The following CCDC171 variants were observed in gnomAD, a reference collection of about 807,000 sequenced individuals.
CCDC171 encodes the protein coiled-coil domain-containing protein 171.
Under a neutral mutation model 168.2 loss-of-function variants are expected in CCDC171, and 177 were observed. That is an observed-to-expected ratio of 1.05 (90% CI 0.93 to 1.19). CCDC171 has a LOEUF of 1.19. Ranked by LOEUF, CCDC171 falls within the 50% of genes most tolerant of loss-of-function variation. CCDC171 has a pLI of 0.00. For synonymous variants in CCDC171, 687 were observed against 540.8 expected, an observed-to-expected ratio of 1.27 and a Z score of -3.75; for missense variants, 1,991 against 1,539.0, an observed-to-expected ratio of 1.29 and a Z score of -4.91.
intron 3 of CCDC171, among the ~76,000 whole-genome samples, chr9:16,013,812 A>G (rs1832941685): frequency 6.6e-6 from 1 of 152,210 alleles, no homozygotes; most frequent in African/African-American, 2.4e-5. Flanking sequence ...TTAAGACATT[A>G]TGTCTTTAAA....
At position 15,598,064 on chromosome 9, in the gene CCDC171, G is replaced by A. The variant is rs565724587; in HGVS notation, c.675+3892G>A. Among the ~76,000 whole-genome samples, 125 of 151,908 alleles carry A rather than the reference G, an allele frequency of 8.2e-4. 1 individual carries two copies. The highest frequency in any genetic ancestry group is 1.7e-3 in the South Asian group (8 of 4,800). On this transcript the variant is annotated intron_variant, in intron 6 of 25. Transcript: ENST00000380701. Reference sequence around the variant, plus strand: ...CTTCTTTATGATTAGTCTTGCTAGCGGTCTATCAATTTTGTTGATCTTTTC... The same window carrying A: ...CTTCTTTATGATTAGTCTTGCTAGCAGTCTATCAATTTTGTTGATCTTTTC...
chr9:15,893,867 C>T (rs541458162), intron 24 of CCDC171, among the ~76,000 whole-genome samples: 4 of 152,222 alleles, frequency 2.6e-5, no homozygotes, highest in Non-Finnish European at 5.9e-5. Flanking sequence ...GACAGCATGG[C>T]GATTCCTCAA....
intron 3 of CCDC171, among the ~76,000 whole-genome samples, chr9:15,575,746 G>A (rs1181440212): frequency 6.6e-6 from 1 of 152,194 alleles, no homozygotes; most frequent in Admixed American, 6.5e-5. Flanking sequence ...AGTGTTAGCA[G>A]CACTTTTGAG....
At chr9:16,043,874 C>T (rs757386605) in intron 1 of CCDC171, among the ~76,000 whole-genome samples, 3 of 152,122 alleles carry the variant, frequency 2.0e-5, no homozygotes, top group Admixed American at 6.5e-5. Flanking sequence ...AATTCAGTGC[C>T]CTGGCATCAC....
At chr9:15,806,776 A>G (rs1023146822) in intron 21 of CCDC171, among the ~76,000 whole-genome samples, 1 of 152,002 alleles carries the variant, frequency 6.6e-6, no homozygotes. Flanking sequence ...TCTATATAGC[A>G]AGTTTGGGGA....
chr9:15,971,470 T>G, intron 25 of CCDC171, 139 bp from the exon 26 acceptor site: 1 of 590,730 alleles, frequency 1.7e-6, no homozygotes. Flanking sequence ...TATATTCTCA[T>G]GTAGATTATT....
At chr9:15,714,686 T>A (rs2052943324) in intron 11 of CCDC171, among the ~76,000 whole-genome samples, 1 of 152,190 alleles carries the variant, frequency 6.6e-6, no homozygotes, top group South Asian at 2.1e-4. Context: ...TATGTCAGGA[T>A]TGCTAACAGA....
chr9:15,826,533 G>T (rs981319536), intron 21 of CCDC171, among the ~76,000 whole-genome samples: 1 of 152,060 alleles, frequency 6.6e-6, no homozygotes, highest in Non-Finnish European at 1.5e-5. Context: ...GCTTCTGCCT[G>T]ATTTTCTTTC....
intron 4 of CCDC171, among the ~76,000 whole-genome samples, chr9:15,579,230 G>T: frequency 6.6e-6 from 1 of 152,110 alleles, no homozygotes; most frequent in Non-Finnish European, 1.5e-5. Flanking sequence ...ATTTTTTTAT[G>T]CTGTGCATAT....
chr9:15,924,506 A>C (rs376921165), intron 25 of CCDC171, among the ~76,000 whole-genome samples: 1 of 151,390 alleles, frequency 6.6e-6, no homozygotes, highest in Admixed American at 6.6e-5. Context: ...ATTGGATTAT[A>C]CCACAGGAAA....
intron 3 of CCDC171, among the ~76,000 whole-genome samples, chr9:15,997,279 T>C (rs917977240): frequency 4.6e-5 from 7 of 152,118 alleles, no homozygotes; most frequent in African/African-American, 1.7e-4. Flanking sequence ...AGAGAAGTCC[T>C]GTTTGGGGCA....
chr9:15,875,293 A>G (rs527254872), intron 24 of CCDC171: 1 of 152,132 alleles, frequency 6.6e-6, no homozygotes, highest in South Asian at 2.1e-4. Flanking sequence ...AAATAACTTT[A>G]AAGTACACTA....
chr9:16,013,551 G>A (rs973603943), intron 3 of CCDC171, among the ~76,000 whole-genome samples: 7 of 152,214 alleles, frequency 4.6e-5, no homozygotes, highest in Non-Finnish European at 8.8e-5. Flanking sequence ...GGCACAGCCA[G>A]ATGCAGGCTC....
intron 21 of CCDC171, among the ~76,000 whole-genome samples, chr9:15,809,274 A>C (rs1342638741): frequency 6.6e-6 from 1 of 152,188 alleles, no homozygotes; most frequent in Non-Finnish European, 1.5e-5. Flanking sequence ...AGTGGAGTCT[A>C]GTGTCTAGAG....
chr9:15,599,959 A>C (rs1327225535), intron 6 of CCDC171, among the ~76,000 whole-genome samples: 1 of 151,846 alleles, frequency 6.6e-6, no homozygotes, highest in Non-Finnish European at 1.5e-5. Context: ...AAGCTTGTGC[A>C]TTCGTCACAT....
intron 18 of CCDC171, among the ~76,000 whole-genome samples, chr9:15,773,515 A>G (rs374689830): frequency 6.0e-4 from 91 of 152,306 alleles, no homozygotes; most frequent in African/African-American, 2.0e-3. Flanking sequence ...CACTTCTTTC[A>G]TTAAAGACAC....
intron 25 of CCDC171, among the ~76,000 whole-genome samples, chr9:15,961,074 G>A (rs1201225239): frequency 6.6e-6 from 1 of 152,122 alleles, no homozygotes; most frequent in Non-Finnish European, 1.5e-5. Context: ...TTTGAGATGT[G>A]TGATTGACAG....
At chr9:15,588,583 C>T in intron 4 of CCDC171, 1 of 317,388 alleles carries the variant, frequency 3.2e-6, no homozygotes, top group Non-Finnish European at 6.3e-6. Flanking sequence ...AGACCAGGCA[C>T]AGGAAGCTCA....
chr9:15,677,495 A>G (rs2049669009), intron 9 of CCDC171, among the ~76,000 whole-genome samples: 2 of 152,030 alleles, frequency 1.3e-5, no homozygotes, highest in African/African-American at 4.8e-5. Flanking sequence ...ATACTGAGCC[A>G]CCCTGTCTCC....
Sources: gnomAD v4.1 joint callset for allele counts (sites outside exome capture counted in the v4.1 genomes callset) on GRCh38, gnomAD v4.1.1 for gene constraint, MANE v1.5 for transcripts, NCBI Gene and HGNC (gene_info 2026-07-23, HGNC 2026-07-21) for gene names.